ARRB1: variants seen among roughly 807,000 people sequenced by gnomAD.
ARRB1 encodes beta-arrestin-1.
ARRB1 carries 21 observed loss-of-function variants against 56.8 expected under a neutral mutation model. That is an observed-to-expected ratio of 0.37 (90% CI 0.26 to 0.53). The LOEUF is 0.53. Among genes scored for constraint, ARRB1 ranks in the 20% least tolerant of loss-of-function variants. The probability of loss-of-function intolerance (pLI) is 0.88; values close to 1 mark genes in which losing one functional copy is unlikely to be tolerated. For missense variants in ARRB1, 424 were observed against 553.7 expected (o/e 0.77, Z 2.35); for synonymous variants, 210 against 218.6 (o/e 0.96, Z 0.35).
chr11:75,318,093 C>T (rs1382310412), intron 1 of ARRB1, among the ~76,000 whole-genome samples: 1 of 151,410 alleles, frequency 6.6e-6, no homozygotes, highest in East Asian at 1.9e-4. Flanking sequence ...GGGGCCCAGT[C>T]CTAGAGTTCT....
At chr11:75,344,689 T>G (rs1947739504) in intron 1 of ARRB1, among the ~76,000 whole-genome samples, 1 of 152,058 alleles carries the variant, frequency 6.6e-6, no homozygotes, top group Non-Finnish European at 1.5e-5. Context: ...GAAGAGAAGG[T>G]GCCCAGGAAC....
intron 1 of ARRB1, among the ~76,000 whole-genome samples, chr11:75,348,740 G>T (rs757304928): frequency 1.3e-5 from 2 of 152,092 alleles, no homozygotes; most frequent in Admixed American, 6.5e-5. Context: ...TAGGACTATA[G>T]GCATGTGCCA....
intron 1 of ARRB1, among the ~76,000 whole-genome samples, chr11:75,315,687 C>T (rs1301968514): frequency 3.9e-5 from 6 of 152,178 alleles, no homozygotes; most frequent in Admixed American, 3.9e-4. Flanking sequence ...CAGAAAAGAG[C>T]CACAAGGCGC....
At chr11:75,269,614 T>A (rs1477073416) in intron 13 of ARRB1, among the ~76,000 whole-genome samples, 2 of 152,202 alleles carry the variant, frequency 1.3e-5, no homozygotes, top group African/African-American at 2.4e-5. Context: ...TTGGCCCTGA[T>A]GGACAGAATA....
At chr11:75,314,626 A>C (rs1256961452) in intron 1 of ARRB1, among the ~76,000 whole-genome samples, 1 of 152,028 alleles carries the variant, frequency 6.6e-6, no homozygotes, top group South Asian at 2.1e-4. Flanking sequence ...TTTTCTTTGA[A>C]AAAAAACTTT....
chr11:75,296,141 G>A (rs548702696), intron 1 of ARRB1, among the ~76,000 whole-genome samples: 52 of 129,980 alleles, frequency 4.0e-4, no homozygotes, highest in Non-Finnish European at 6.1e-4. Context: ...AGCTGAGATC[G>A]CACCACTGCA....
chr11:75,341,752 G>A (rs1213998028), intron 1 of ARRB1, among the ~76,000 whole-genome samples: 1 of 152,230 alleles, frequency 6.6e-6, no homozygotes, highest in Admixed American at 6.5e-5. Flanking sequence ...GTCCCTCGCT[G>A]AGGACTAGTT....
intron 1 of ARRB1, among the ~76,000 whole-genome samples, chr11:75,321,370 G>C: frequency 6.6e-6 from 1 of 151,704 alleles, no homozygotes; most frequent in East Asian, 1.9e-4. Flanking sequence ...GCCAGGCTTG[G>C]AGCCCAAGGG....
At chr11:75,325,687 C>G (rs1299151285) in intron 1 of ARRB1, among the ~76,000 whole-genome samples, 1 of 152,200 alleles carries the variant, frequency 6.6e-6, no homozygotes, top group Non-Finnish European at 1.5e-5. Flanking sequence ...AAAATATAGA[C>G]TAGTGAACTC....
At chr11:75,278,539 G>A (rs1202563164) in intron 8 of ARRB1, 70 bp downstream of exon 8, 18 of 1,603,416 alleles carry the variant, frequency 1.1e-5, no homozygotes, top group Non-Finnish European at 1.5e-5. Flanking sequence ...CAGGCCAGGA[G>A]AGAGCTGGGA....
chr11:75,276,977 G>GTTCCC (rs34053901), intron 9 of ARRB1, 66 bp from the exon 10 acceptor site: 1 of 1,522,562 alleles, frequency 6.6e-7, no homozygotes, highest in Non-Finnish European at 9.1e-7. Flanking sequence ...TCTCACAGGC[G>GTTCCC]TCCCCGGGTT....
chr11:75,336,008 G>T (rs1226552273), intron 1 of ARRB1, among the ~76,000 whole-genome samples: 2 of 152,096 alleles, frequency 1.3e-5, no homozygotes, highest in Non-Finnish European at 2.9e-5. Context: ...AGAAACCAAG[G>T]CTCACTCAGT....
At chr11:75,306,798 G>A (rs539711988) in intron 1 of ARRB1, 377 of 638,000 alleles carry the variant, frequency 5.9e-4, no homozygotes, top group Non-Finnish European at 6.9e-4. Flanking sequence ...GGCTTCTCGG[G>A]CCATGGAGGG....
chr11:75,334,408 C>T (rs1947570675), intron 1 of ARRB1, among the ~76,000 whole-genome samples: 1 of 151,794 alleles, frequency 6.6e-6, no homozygotes, highest in Non-Finnish European at 1.5e-5. Context: ...CTTGATTCGT[C>T]TGACCACCTC....
chr11:75,340,058 T>A (rs951775049), intron 1 of ARRB1, among the ~76,000 whole-genome samples: 6 of 152,168 alleles, frequency 3.9e-5, no homozygotes, highest in Non-Finnish European at 5.9e-5. Context: ...GACACACCAC[T>A]GGGACAGGCC....
At chr11:75,330,562 A>G (rs1449392693) in intron 1 of ARRB1, among the ~76,000 whole-genome samples, 1 of 152,222 alleles carries the variant, frequency 6.6e-6, no homozygotes, top group Middle Eastern at 3.2e-3. Context: ...CTGCCGAAGA[A>G]ATATAAACAG....
chr11:75,346,940 C>T (rs1196432899), intron 1 of ARRB1, among the ~76,000 whole-genome samples: 1 of 152,262 alleles, frequency 6.6e-6, no homozygotes, highest in African/African-American at 2.4e-5. Context: ...CCAAGCTGCT[C>T]CCAGCCATGC....
chr11:75,265,319 A>G lies in ARRB1; in HGVS notation c.*844T>C. ...GCGCCCCCCTTCGGGAACCCTCCTC[A>G]GGAGCTTCAGCTCACTCTGCTGGGG... On this transcript the variant is annotated 3_prime_UTR_variant, in exon 16 of 16. Coordinates refer to ENST00000420843, the MANE Select transcript of ARRB1 (RefSeq NM_004041.5). The G allele has an allele frequency of 6.6e-6, 1 of 152,426 alleles. No homozygotes were observed. Among genetic ancestry groups the G allele is most frequent in the Non-Finnish European group, 1.5e-5 (1 of 68,160 alleles). The allele number at this position is 152,426 out of a possible 1,614,324, so 9.4% of individuals were successfully genotyped here. A position where few individuals can be genotyped will look rare whatever the true frequency, so the allele number is the denominator to read the frequency against.
rs1394350563 is a variant in ARRB1, at chr11:75,287,377, TGAG to T, written c.52-5_52-3del. On this transcript the variant is annotated splice_polypyrimidine_tract_variant and splice_region_variant and intron_variant, in intron 2 of 15. Transcript: ENST00000420843. ...CCGCTTTCCCAGGTAGACGGTGAGC[TGAG>T]GAGGAGAGGCATAGGGGGCGTTAGC... 14 of 1,558,974 alleles carry T rather than the reference TGAG, an allele frequency of 9.0e-6. 2 individuals carry two copies. The highest frequency in any genetic ancestry group is 1.7e-4 in the Middle Eastern group (1 of 6,000).
Sources: allele counts gnomAD v4.1 joint callset (sites outside exome capture counted in the v4.1 genomes callset), GRCh38; gene constraint gnomAD v4.1.1; transcripts MANE v1.5; gene names NCBI Gene and HGNC (gene_info 2026-07-23, HGNC 2026-07-21).